PDE11A: variants seen among roughly 807,000 people sequenced by gnomAD.
PDE11A encodes phosphodiesterase 11A, also known as dual 3',5'-cyclic-AMP and -GMP phosphodiesterase 11A.
In PDE11A, 100 loss-of-function variants were observed where a neutral mutation model predicts 100.5. The observed-to-expected ratio is 1.00, with a 90% CI of 0.85 to 1.18. The LOEUF (loss-of-function observed/expected upper bound fraction) is 1.18. PDE11A is among the 50% of genes most tolerant of loss of function. The pLI is 0.00. For synonymous variants in PDE11A, 381 were observed against 420.8 expected (o/e 0.91, Z 1.16); for missense variants, 1,141 against 1,152.6 (o/e 0.99, Z 0.15).
intron 5 of PDE11A, among the ~76,000 whole-genome samples, chr2:177,868,477 A>G (rs1558982367): frequency 6.6e-6 from 1 of 152,232 alleles, no homozygotes; most frequent in Non-Finnish European, 1.5e-5. Context: ...TATCACTTAA[A>G]ATATTTTAAT....
At chr2:177,655,344 A>ATGGAGGT (rs2080365140) in intron 19 of PDE11A, among the ~76,000 whole-genome samples, 1 of 152,182 alleles carries the variant, frequency 6.6e-6, no homozygotes, top group Non-Finnish European at 1.5e-5. Context: ...TCAGGTCAAA[A>ATGGAGGT]GACTTTTTGG....
intron 10 of PDE11A, among the ~76,000 whole-genome samples, chr2:177,736,513 A>G (rs1396694925): frequency 5.3e-5 from 8 of 151,796 alleles, no homozygotes; most frequent in Admixed American, 5.3e-4. Context: ...CTCCATCTAA[A>G]AGAAAAAAAA....
chr2:178,088,448 G>C (rs2087384695), intron 2 of PDE11A, among the ~76,000 whole-genome samples: 1 of 152,144 alleles, frequency 6.6e-6, no homozygotes, highest in South Asian at 2.1e-4. Context: ...GTTTACATCT[G>C]GGAAGTACTT....
In PDE11A at chr2:177,714,967, G is replaced by A. The variant is rs116730179; in HGVS notation, c.2044-3089C>T. The stretch of plus-strand genomic sequence containing the variant: ...GAGCTTCCTCCACCGTCATTCAGGG[G>A]GTTCCTCCTTCCCCTCCTGTGTCTG... On this transcript the variant is annotated intron_variant, in intron 12 of 19. Transcript: ENST00000286063. Among the ~76,000 whole-genome samples the A allele has an allele frequency of 2.3e-3, 344 of 152,258 alleles. 1 individual carries two copies. Among genetic ancestry groups the A allele is most frequent in the African/African-American group, 7.9e-3 (328 of 41,550 alleles).
At chr2:178,087,813 T>C (rs556227114) in intron 2 of PDE11A, among the ~76,000 whole-genome samples, 177 of 152,280 alleles carry the variant, frequency 1.2e-3, no homozygotes, top group Middle Eastern at 0.01. Context: ...GTTTTATACT[T>C]AGGAGTAGGG....
chr2:178,106,357 A>G (rs944584615), intron 1 of PDE11A, among the ~76,000 whole-genome samples: 4 of 152,230 alleles, frequency 2.6e-5, no homozygotes, highest in Non-Finnish European at 5.9e-5. Flanking sequence ...CTAAGCTATT[A>G]ACCAATAGTT....
intron 2 of PDE11A, among the ~76,000 whole-genome samples, chr2:177,930,703 G>A (rs1880916): frequency 0.22 from 33,438 of 152,138 alleles, 3,783 homozygotes; most frequent in African/African-American, 0.26. Flanking sequence ...GGACAGCCAC[G>A]GAAATGGCCA....
Position 177,997,143 on chromosome 2 carries a change from A to G in PDE11A, c.1071+17159T>C, listed in dbSNP as rs1360920500. On this transcript the variant is annotated intron_variant, in intron 2 of 19. Transcript: ENST00000286063. ...CCCCCGGAAATCCAATGAGTAGTAG[A>G]ATTTAAGTATATTAAGCTCATGACT... The G allele has an allele frequency of 4.1e-6, 4 of 985,682 alleles. No individual in the cohort carries two copies. In the African/African-American group the frequency reaches 4.8e-5, roughly 12 times the overall value. 61.1% of individuals were successfully genotyped at this position (985,682 alleles called of 1,614,324 possible). A position where few individuals can be genotyped will look rare whatever the true frequency, so the allele number is the denominator to read the frequency against.
intron 12 of PDE11A, among the ~76,000 whole-genome samples, chr2:177,726,829 T>C (rs1363503755): frequency 6.6e-6 from 1 of 152,086 alleles, no homozygotes; most frequent in African/African-American, 2.4e-5. Flanking sequence ...TTCTTTTTTT[T>C]TGTATGGCAA....
intron 9 of PDE11A, among the ~76,000 whole-genome samples, chr2:177,789,292 T>A (rs2082591805): frequency 6.6e-6 from 1 of 152,050 alleles, no homozygotes; most frequent in Non-Finnish European, 1.5e-5. Flanking sequence ...AAAAACCACA[T>A]GATTATCTCA....
intron 15 of PDE11A, among the ~76,000 whole-genome samples, chr2:177,689,432 G>A (rs894524906): frequency 2.0e-5 from 3 of 152,146 alleles, no homozygotes; most frequent in African/African-American, 7.2e-5. Flanking sequence ...GGGTTGCAGG[G>A]TGCACAGATG....
chr2:177,925,977 T>C (rs1574283968), intron 2 of PDE11A, among the ~76,000 whole-genome samples: 1 of 152,294 alleles, frequency 6.6e-6, no homozygotes, highest in East Asian at 1.9e-4. Flanking sequence ...CTGGGTTCTG[T>C]CACAGTCACC....
At chr2:177,727,981 T>C in intron 11 of PDE11A, 45 bp downstream of exon 11, 2 of 1,570,638 alleles carry the variant, frequency 1.3e-6, no homozygotes, top group Non-Finnish European at 1.8e-6. Flanking sequence ...GGCTAACACG[T>C]TGTCCCAGGT....
intron 2 of PDE11A, among the ~76,000 whole-genome samples, chr2:177,936,253 G>A (rs968163058): frequency 6.6e-6 from 1 of 152,116 alleles, no homozygotes; most frequent in East Asian, 1.9e-4. Flanking sequence ...AGAACATATT[G>A]CTAAAATTTT....
chr2:177,899,637 A>AATATATATAT lies in PDE11A; in HGVS notation c.1162-1449_1162-1440dup, dbSNP rs3037901. On this transcript the variant is annotated intron_variant, in intron 3 of 19. Coordinates refer to ENST00000286063, the MANE Select transcript of PDE11A (RefSeq NM_016953.4). ...ATGCTAATTAAGTTTCAGATTCTTA[A>AATATATATAT]ATATATATATATATATATGTAATTT... is the stretch of plus-strand genomic sequence containing the variant. The AATATATATAT allele has an allele frequency of 6.7e-3, 1,400 of 209,158 alleles. 14 individuals are homozygous for AATATATATAT. The highest frequency in any genetic ancestry group is 0.025 in the African/African-American group (1,027 of 40,422). The allele number at this position is 209,158 out of a possible 1,614,324, so 13.0% of individuals were successfully genotyped here.
chr2:178,079,489 C>T (rs1211579918), intron 2 of PDE11A, among the ~76,000 whole-genome samples: 2 of 152,124 alleles, frequency 1.3e-5, no homozygotes, highest in East Asian at 3.9e-4. Flanking sequence ...TTCATGGCTG[C>T]ATAGTATTTC....
At position 177,631,526 on chromosome 2, in the gene PDE11A, TATATATATATATATATATATACAC is replaced by T. The variant is rs59032804; in HGVS notation, c.2647-1988_2647-1965del. Among the ~76,000 whole-genome samples, 24 of 17,790 alleles carry T rather than the reference TATATATATATATATATATATACAC, an allele frequency of 1.3e-3. 2 individuals are homozygous for T. The highest frequency in any genetic ancestry group is 4.0e-3 in the South Asian group (1 of 252). 11.7% of individuals were successfully genotyped at this position (17,790 alleles called of 152,430 possible). On this transcript the variant is annotated intron_variant, in intron 19 of 19. Transcript: ENST00000286063. ...AAAAAAAAAAAAATATATATATATA[TATATATATATATATATATATACAC>T]ATGTATATATATATATATACATGTA...
At chr2:177,671,759 A>C (rs2080685948) in intron 17 of PDE11A, among the ~76,000 whole-genome samples, 2 of 151,270 alleles carry the variant, frequency 1.3e-5, no homozygotes, top group African/African-American at 4.9e-5. Context: ...AAATAAAATA[A>C]TATTTACACT....
At chr2:178,027,186 C>G (rs1324420350) in intron 1 of PDE11A, among the ~76,000 whole-genome samples, 1 of 151,814 alleles carries the variant, frequency 6.6e-6, no homozygotes, top group Non-Finnish European at 1.5e-5. Flanking sequence ...AATTTCATTT[C>G]TAGGAATTTA....
Sources: gnomAD v4.1 joint callset for allele counts (sites outside exome capture counted in the v4.1 genomes callset) on GRCh38, gnomAD v4.1.1 for gene constraint, MANE v1.5 for transcripts, NCBI Gene and HGNC (gene_info 2026-07-23, HGNC 2026-07-21) for gene names.